The following PPARG variants were observed in gnomAD, a reference collection of about 807,000 sequenced individuals.
PPARG encodes peroxisome proliferator activated receptor gamma.
Under a neutral mutation model 39.2 loss-of-function variants are expected in PPARG, and 17 were observed. The observed-to-expected ratio is 0.43, with a 90% CI of 0.30 to 0.65. The LOEUF (loss-of-function observed/expected upper bound fraction) is 0.65, where lower values mean the gene tolerates loss of function less well. Ranked by LOEUF, PPARG falls within the 30% of genes least tolerant of loss-of-function variation. The pLI is 0.13. For missense variants in PPARG, 406 were observed against 585.9 expected (o/e 0.69, Z 3.17); for synonymous variants, 223 against 215.7 (o/e 1.03, Z -0.30).
intron 2 of PPARG, among the ~76,000 whole-genome samples, chr3:12,317,846 A>G (rs1238489112): frequency 6.6e-6 from 1 of 152,226 alleles, no homozygotes; most frequent in Non-Finnish European, 1.5e-5. Context: ...AAATACATTT[A>G]AATGATTTCT....
At position 12,326,733 on chromosome 3, in the gene PPARG, A is replaced by T. The variant is rs576655669; in HGVS notation, c.-9+14280A>T. Among the ~76,000 whole-genome samples, 21 of 60,372 alleles carry T rather than the reference A, an allele frequency of 3.5e-4. No homozygotes were observed. In the East Asian group the frequency reaches 4.9e-3, roughly 14 times the overall value. The allele number at this position is 60,372 out of a possible 152,430, so 39.6% of individuals were successfully genotyped here. A position where few individuals can be genotyped will look rare whatever the true frequency, so the allele number is the denominator to read the frequency against. Reference sequence around the variant, plus strand: ...GAGTATTTGTTTATGTGAGATATATAAAAAAAAAAAGGAGATTTTAACAAA... The same window carrying T: ...GAGTATTTGTTTATGTGAGATATATTAAAAAAAAAAGGAGATTTTAACAAA... On this transcript the variant is annotated intron_variant, in intron 2 of 7. Transcript: ENST00000651735.
intron 1 of PPARG, among the ~76,000 whole-genome samples, chr3:12,305,208 G>T (rs2047029097): frequency 6.6e-6 from 1 of 151,712 alleles, no homozygotes; most frequent in African/African-American, 2.4e-5. Context: ...AATTGCTACT[G>T]TCTCTGCCTT....
At chr3:12,414,095 TC>T (rs2050977226) in intron 6 of PPARG, among the ~76,000 whole-genome samples, 1 of 152,124 alleles carries the variant, frequency 6.6e-6, no homozygotes, top group African/African-American at 2.4e-5. Flanking sequence ...AGGGCATAGT[TC>T]CAGATAAATC....
chr3:12,390,850 C>G (rs1297756131), intron 4 of PPARG, among the ~76,000 whole-genome samples: 1 of 151,894 alleles, frequency 6.6e-6, no homozygotes, highest in Non-Finnish European at 1.5e-5. Flanking sequence ...AAGGTTTCAC[C>G]TTGTTGCCCA....
chr3:12,364,495 A>C (rs2048951508), intron 2 of PPARG, among the ~76,000 whole-genome samples: 1 of 152,220 alleles, frequency 6.6e-6, no homozygotes. Flanking sequence ...GGCAATTATG[A>C]ATAGAGATGC....
intron 2 of PPARG, among the ~76,000 whole-genome samples, chr3:12,374,637 A>G (rs1345879132): frequency 6.6e-6 from 1 of 152,108 alleles, no homozygotes; most frequent in Non-Finnish European, 1.5e-5. Context: ...AGAACTATGC[A>G]ACAGAAAGAG....
intron 2 of PPARG, among the ~76,000 whole-genome samples, chr3:12,317,526 G>T (rs1232355363): frequency 6.6e-6 from 1 of 152,024 alleles, no homozygotes; most frequent in African/African-American, 2.4e-5. Context: ...TTTCATAATG[G>T]CAACATAATC....
At chr3:12,417,892 T>C (rs866062826) in intron 7 of PPARG, among the ~76,000 whole-genome samples, 3 of 99,364 alleles carry the variant, frequency 3.0e-5, no homozygotes, top group African/African-American at 7.2e-5. Flanking sequence ...TTTTTTCTTT[T>C]TTTTTTTTCC....
At chr3:12,409,034 C>T (rs560828552) in intron 6 of PPARG, among the ~76,000 whole-genome samples, 21 of 152,244 alleles carry the variant, frequency 1.4e-4, no homozygotes, top group South Asian at 2.1e-4. Context: ...GAGAGGGCTG[C>T]GAAATGCTTG....
At chr3:12,431,408 G>A (rs949937588) in intron 7 of PPARG, among the ~76,000 whole-genome samples, 1 of 151,974 alleles carries the variant, frequency 6.6e-6, no homozygotes, top group African/African-American at 2.4e-5. Context: ...GCATTTATTA[G>A]AATACAAAGA....
At chr3:12,330,365 G>C (rs2047822460) in intron 2 of PPARG, among the ~76,000 whole-genome samples, 1 of 142,218 alleles carries the variant, frequency 7.0e-6, no homozygotes, top group African/African-American at 2.6e-5. Context: ...TTGTGGTTTT[G>C]ATTTGCATTT....
intron 1 of PPARG, among the ~76,000 whole-genome samples, chr3:12,290,685 C>T (rs1367860729): frequency 2.0e-5 from 3 of 152,058 alleles, no homozygotes; most frequent in African/African-American, 7.2e-5. Flanking sequence ...TAAATATAAA[C>T]AAATACTTTT....
intron 5 of PPARG, among the ~76,000 whole-genome samples, chr3:12,394,138 A>G (rs550596388): frequency 6.6e-6 from 1 of 152,348 alleles, no homozygotes; most frequent in South Asian, 2.1e-4. Context: ...TAGGTGATGC[A>G]ATCAAGTTGC....
intron 5 of PPARG, among the ~76,000 whole-genome samples, chr3:12,404,396 G>A (rs2050583809): frequency 6.6e-6 from 1 of 152,218 alleles, no homozygotes; most frequent in South Asian, 2.1e-4. Context: ...GTACATGTCA[G>A]TTTCTTCTTG....
chr3:12,421,255 A>G (rs916411764), intron 7 of PPARG, among the ~76,000 whole-genome samples: 39 of 152,300 alleles, frequency 2.6e-4, no homozygotes, highest in Admixed American at 5.2e-4. Context: ...TATATCCCTA[A>G]GGTAGGCCCA....
At chr3:12,415,927 A>G (rs1191853516) in intron 6 of PPARG, among the ~76,000 whole-genome samples, 7 of 152,260 alleles carry the variant, frequency 4.6e-5, no homozygotes, top group African/African-American at 1.7e-4. Context: ...AAGGAAAAAG[A>G]AATTTTAAGA....
chr3:12,364,624 G>T (rs924458950), intron 2 of PPARG, among the ~76,000 whole-genome samples: 1 of 152,142 alleles, frequency 6.6e-6, no homozygotes, highest in African/African-American at 2.4e-5. Context: ...ATAAGAAATG[G>T]CCACACTGTC....
intron 7 of PPARG, among the ~76,000 whole-genome samples, chr3:12,417,888 CTTTTTTTT>C (rs1240237792): frequency 1.1e-4 from 7 of 64,062 alleles, no homozygotes; most frequent in East Asian, 1.2e-3. Flanking sequence ...TTTTTTTTTT[CTTTTTTTT>C]TTTTCCTTTT....
chr3:12,403,720 A>T (rs942593946), intron 5 of PPARG, among the ~76,000 whole-genome samples: 3 of 152,194 alleles, frequency 2.0e-5, no homozygotes, highest in African/African-American at 7.2e-5. Context: ...GAATCTGCAG[A>T]TGTGGAACCT....
Sources: allele counts gnomAD v4.1 joint callset (sites outside exome capture counted in the v4.1 genomes callset), GRCh38; gene constraint gnomAD v4.1.1; transcripts MANE v1.5; gene names NCBI Gene and HGNC (gene_info 2026-07-23, HGNC 2026-07-21).